The following SCN1A variants were observed in gnomAD, a reference collection of about 807,000 sequenced individuals.
The protein encoded by SCN1A is sodium channel protein type 1 subunit alpha.
A neutral mutation model predicts 193.7 loss-of-function variants in SCN1A; 13 were observed. The ratio of observed to expected loss-of-function variants is 0.07; its 90% CI spans 0.04 to 0.11. The LOEUF (loss-of-function observed/expected upper bound fraction) is 0.11, where lower values mean the gene tolerates loss of function less well. Ranked by LOEUF, SCN1A falls within the 10% of genes least tolerant of loss-of-function variation. The pLI, the probability that SCN1A is intolerant of heterozygous loss-of-function variation, is 1.00. For synonymous variants in SCN1A, 781 were observed against 843.6 expected, an observed-to-expected ratio of 0.93 and a Z score of 1.29; for missense variants, 1,432 against 2,451.1, an observed-to-expected ratio of 0.58 and a Z score of 8.78.
chr2:166,071,322 A>C (rs1248051501), intron 4 of SCN1A, among the ~76,000 whole-genome samples: 1 of 152,228 alleles, frequency 6.6e-6, no homozygotes, highest in Non-Finnish European at 1.5e-5. Context: ...AACTTTTCTC[A>C]TAACTTAAAT....
intron 4 of SCN1A, chr2:166,060,180 C>T (rs1316440593): frequency 2.0e-5 from 3 of 152,196 alleles, no homozygotes; most frequent in South Asian, 4.1e-4. Flanking sequence ...CTCCAAGTCT[C>T]ACCTCTGCCT....
chr2:166,043,545 A>T, intron 14 of SCN1A, 124 bp downstream of exon 14: 1 of 1,035,896 alleles, frequency 9.7e-7, no homozygotes, highest in Non-Finnish European at 1.4e-6. Flanking sequence ...AGATATTACA[A>T]GATGCAGGTG....
At chr2:166,129,620 G>C (rs1175285837), upstream of SCN1A, among the ~76,000 whole-genome samples, 7 of 152,142 alleles carry the variant, frequency 4.6e-5, no homozygotes, top group Non-Finnish European at 1.0e-4. Context: ...TCAACAACTG[G>C]TAAACGATTG....
chr2:166,079,840 G>A (rs1685317697), intron 2 of SCN1A, among the ~76,000 whole-genome samples: 1 of 151,200 alleles, frequency 6.6e-6, no homozygotes, highest in African/African-American at 2.4e-5. Context: ...TCATATGTAA[G>A]CAATATAACC....
intron 2 of SCN1A, among the ~76,000 whole-genome samples, chr2:166,079,993 T>A (rs1350079181): frequency 1.3e-5 from 2 of 151,580 alleles, no homozygotes; most frequent in African/African-American, 4.8e-5. Context: ...TAAGGTTAAT[T>A]ATGAAATACC....
At chr2:166,065,777 C>A (rs1365894131) in intron 4 of SCN1A, among the ~76,000 whole-genome samples, 2 of 152,010 alleles carry the variant, frequency 1.3e-5, no homozygotes, top group Non-Finnish European at 2.9e-5. Context: ...CCCACAGAGG[C>A]TAAGTGACAA....
At chr2:166,123,498 G>C (rs1690868247) in intron 2 of SCN1A, 1 of 151,910 alleles carries the variant, frequency 6.6e-6, no homozygotes, top group East Asian at 1.9e-4. Context: ...AAAGTTTTTA[G>C]ACAAGAGCAG....
intron 2 of SCN1A, among the ~76,000 whole-genome samples, chr2:166,112,506 C>CT (rs1312030641): frequency 1.3e-5 from 2 of 152,000 alleles, no homozygotes; most frequent in South Asian, 2.1e-4. Flanking sequence ...GCAATATTGG[C>CT]TTTTTTGTGG....
At chr2:166,048,364 A>G (rs1467316738) in intron 10 of SCN1A, among the ~76,000 whole-genome samples, 1 of 151,768 alleles carries the variant, frequency 6.6e-6, no homozygotes, top group African/African-American at 2.4e-5. Flanking sequence ...CACCTTGCAC[A>G]CTCTGGTAGG....
At chr2:166,000,263 GGTTGCAAC>G (rs1304069247) in intron 24 of SCN1A, among the ~76,000 whole-genome samples, 1 of 151,602 alleles carries the variant, frequency 6.6e-6, no homozygotes, top group Non-Finnish European at 1.5e-5. Context: ...ATAAAGGCAG[GGTTGCAAC>G]TATCCTTTTA....
At chr2:166,038,171 T>TA in intron 17 of SCN1A, 39 bp from the exon 18 acceptor site, 1 of 1,440,928 alleles carries the variant, frequency 6.9e-7, no homozygotes. Flanking sequence ...GTATGATTCT[T>TA]AAAAGCATTA....
At chr2:166,003,722 G>A (rs1691261466) in intron 23 of SCN1A, among the ~76,000 whole-genome samples, 1 of 151,590 alleles carries the variant, frequency 6.6e-6, no homozygotes, top group African/African-American at 2.4e-5. Flanking sequence ...AGGGGCAGCT[G>A]CCTCAAACTT....
chr2:166,011,723 A>G (rs1692486653), intron 22 of SCN1A, among the ~76,000 whole-genome samples: 1 of 151,122 alleles, frequency 6.6e-6, no homozygotes, highest in South Asian at 2.1e-4. Flanking sequence ...GGGCCAAGAA[A>G]CTAACTCAGT....
At chr2:166,034,456 A>G (rs970307175) in intron 19 of SCN1A, among the ~76,000 whole-genome samples, 5 of 152,242 alleles carry the variant, frequency 3.3e-5, no homozygotes, top group African/African-American at 1.2e-4. Flanking sequence ...ATAGAATTGT[A>G]TCTCTAATAA....
chr2:165,992,226 G>A lies in SCN1A; in HGVS notation c.5049C>T (p.Ile1683=). 3 of 1,613,874 alleles carry A rather than the reference G, an allele frequency of 1.9e-6. No homozygotes were observed. Among genetic ancestry groups the A allele is most frequent in the Non-Finnish European group, 2.5e-6 (3 of 1,179,892 alleles). Residue 1683 remains isoleucine, a synonymous_variant, in exon 29 of 29, where the codon ATC becomes ATT. Transcript: ENST00000674923. The surrounding 1 kb of genome is among the most constrained non-coding windows in gnomAD (Gnocchi z 6.5). ...IGLLLFLVMF[I]YAIFGMSNFA... is the part of the protein sequence containing the mutation. ...AGTTGGACATCCCAAAGATGGCGTA[G>A]ATGAACATGACTAGGAAGAGTAGGA...
At chr2:166,134,965 G>A (rs756486759) in intron 1 of SCN1A, among the ~76,000 whole-genome samples, 46 of 152,108 alleles carry the variant, frequency 3.0e-4, no homozygotes, top group Non-Finnish European at 5.0e-4. Context: ...TGCAAATAAT[G>A]AAAATGCCTG....
At chr2:166,059,329 T>C (rs1683034364) in intron 4 of SCN1A, 1 of 152,162 alleles carries the variant, frequency 6.6e-6, no homozygotes, top group Non-Finnish European at 1.5e-5. Context: ...TGTACTGGGA[T>C]TTCTGAGTTA....
At chr2:166,146,067 T>TA (rs974559687) in intron 1 of SCN1A, among the ~76,000 whole-genome samples, 17 of 152,062 alleles carry the variant, frequency 1.1e-4, no homozygotes, top group African/African-American at 4.1e-4. Flanking sequence ...AAGTCTCTGT[T>TA]AAAAACTAGG....
intron 19 of SCN1A, 91 bp downstream of exon 19, chr2:166,035,957 T>C: frequency 1.5e-6 from 2 of 1,352,132 alleles, no homozygotes; most frequent in East Asian, 2.3e-5. Context: ...AAATCTTAAG[T>C]CAAAACATCA....
Sources: allele counts gnomAD v4.1 joint callset (sites outside exome capture counted in the v4.1 genomes callset), GRCh38; gene constraint gnomAD v4.1.1; non-coding constraint Gnocchi (gnomAD v3.1); transcripts MANE v1.5; gene names NCBI Gene and HGNC (gene_info 2026-07-23, HGNC 2026-07-21).